Variants in ARHGAP12 observed in about 807,000 individuals in gnomAD.
The protein encoded by ARHGAP12 is Rho GTPase activating protein 12.
ARHGAP12 carries 64 observed loss-of-function variants against 108.6 expected under a neutral mutation model. The observed-to-expected ratio is 0.59, with a 90% confidence interval of 0.48 to 0.73. ARHGAP12 has a LOEUF of 0.73. ARHGAP12 is among the 30% of genes least tolerant of loss of function. The pLI is 0.00. For missense variants in ARHGAP12, 940 were observed against 1,005.9 expected (o/e 0.93, Z 0.89); for synonymous variants, 312 against 337.2 (o/e 0.93, Z 0.82).
At chr10:31,892,569 C>T (rs1215360362) in intron 3 of ARHGAP12, among the ~76,000 whole-genome samples, 2 of 152,160 alleles carry the variant, frequency 1.3e-5, no homozygotes, top group African/African-American at 4.8e-5. Flanking sequence ...TAAACATATA[C>T]GCATCCAATA....
intron 3 of ARHGAP12, among the ~76,000 whole-genome samples, chr10:31,895,171 T>C (rs1353967191): frequency 6.6e-6 from 1 of 152,180 alleles, no homozygotes; most frequent in African/African-American, 2.4e-5. Context: ...GGCAATACCA[T>C]TCAGGACATA....
chr10:31,830,724 C>T (rs1000645092), intron 10 of ARHGAP12, among the ~76,000 whole-genome samples: 2 of 151,942 alleles, frequency 1.3e-5, no homozygotes, highest in Non-Finnish European at 2.9e-5. Flanking sequence ...TACACATTAA[C>T]CAAAAAATCC....
chr10:31,877,866 C>T (rs1837789987), intron 3 of ARHGAP12, among the ~76,000 whole-genome samples: 1 of 152,094 alleles, frequency 6.6e-6, no homozygotes, highest in Non-Finnish European at 1.5e-5. Context: ...TCAAGGCGGG[C>T]ACATAGCTTG....
chr10:31,854,228 A>C (rs1400409565), intron 4 of ARHGAP12, 22 bp from the exon 5 acceptor site: 25 of 1,577,010 alleles, frequency 1.6e-5, no homozygotes, highest in Non-Finnish European at 2.1e-5. Flanking sequence ...CAGAAACATA[A>C]GGATTTTTCT....
intron 10 of ARHGAP12, among the ~76,000 whole-genome samples, chr10:31,829,189 A>T (rs1049761883): frequency 2.6e-5 from 4 of 152,078 alleles, no homozygotes; most frequent in Non-Finnish European, 5.9e-5. Context: ...AAAACTTTCA[A>T]CATGAATGAA....
At chr10:31,875,905 A>C (rs1837710382) in intron 3 of ARHGAP12, among the ~76,000 whole-genome samples, 1 of 152,108 alleles carries the variant, frequency 6.6e-6, no homozygotes. Flanking sequence ...GAATTCAAGC[A>C]CCTCATATAA....
In ARHGAP12 at chr10:31,840,888, A is replaced by G. The variant is rs555529795; in HGVS notation, c.1297-1177T>C. ...AATATTAAAATCACATTGAATAAAA[A>G]ACTTCAAAAAAATTTAACTTAAGAT... On this transcript the variant is annotated intron_variant, in intron 7 of 19. Transcript: ENST00000344936. Among the ~76,000 whole-genome samples the G allele has an allele frequency of 4.8e-4, 73 of 152,290 alleles. 1 individual carries two copies. Among genetic ancestry groups the G allele is most frequent in the Middle Eastern group, 3.4e-3 (1 of 294 alleles).
At chr10:31,852,943 G>A (rs902137336) in intron 5 of ARHGAP12, among the ~76,000 whole-genome samples, 1 of 151,928 alleles carries the variant, frequency 6.6e-6, no homozygotes, top group Non-Finnish European at 1.5e-5. Context: ...GGTCAGGCTG[G>A]TATCGAAATC....
rs35308949 is a variant in ARHGAP12 at position 31,829,154 on chromosome 10, AAACAAC to A, written c.1448+2579_1448+2584del. On this transcript the variant is annotated intron_variant, in intron 10 of 19. Transcript: ENST00000344936. The stretch of plus-strand genomic sequence containing the variant: ...GCGAGAGAGCAAGACTCTGTCTCAA[AAACAAC>A]AACAACAACAACAACAACAAAACTT... Among the ~76,000 whole-genome samples, 983 of 151,428 alleles carry A rather than the reference AAACAAC, an allele frequency of 6.5e-3. 11 individuals carry two copies. The highest frequency in any genetic ancestry group is 6.7e-3 in the Non-Finnish European group (454 of 67,822).
At chr10:31,840,482 TC>T (rs1456923593) in intron 7 of ARHGAP12, among the ~76,000 whole-genome samples, 1 of 152,012 alleles carries the variant, frequency 6.6e-6, no homozygotes, top group Non-Finnish European at 1.5e-5. Context: ...GTAGCCCACC[TC>T]CACTTAAATT....
chr10:31,924,406 T>C (rs1420586174), intron 1 of ARHGAP12, among the ~76,000 whole-genome samples: 1 of 152,138 alleles, frequency 6.6e-6, no homozygotes, highest in Non-Finnish European at 1.5e-5. Flanking sequence ...AGCACTTAGA[T>C]ATAAAGCATG....
chr10:31,834,695 T>C (rs1377982124), intron 9 of ARHGAP12, among the ~76,000 whole-genome samples: 1 of 152,216 alleles, frequency 6.6e-6, no homozygotes, highest in Non-Finnish European at 1.5e-5. Context: ...AACCAGTGCC[T>C]AGTACTGTAT....
intron 15 of ARHGAP12, 146 bp from the exon 16 acceptor site, chr10:31,810,893 C>T: frequency 1.6e-6 from 1 of 615,510 alleles, no homozygotes; most frequent in Non-Finnish European, 2.8e-6. Context: ...ATGCATCTTG[C>T]CTACTTCTTT....
intron 1 of ARHGAP12, among the ~76,000 whole-genome samples, chr10:31,921,570 C>T (rs1320873710): frequency 6.6e-6 from 1 of 151,232 alleles, no homozygotes; most frequent in African/African-American, 2.4e-5. Flanking sequence ...TCGATACCAG[C>T]CTGACCAACA....
At position 31,807,704 on chromosome 10, in the gene ARHGAP12, A is replaced by G. The variant is rs1444321086; in HGVS notation, c.2495T>C (p.Ile832Thr). ...IAVHTVYQNQ[I>T]VELILLELSS... ...CAGTTCCAGAAGAATTAATTCTACA[A>G]TCTGATTCTGGTACACAGTATGAAC... The change falls in exon 20 of 20, where the codon ATT becomes ACT. Residue 832 changes from isoleucine (I) to threonine (T), a missense_variant. Ile to Thr is a moderately conservative substitution (Grantham distance 89). Transcript: ENST00000344936. The G allele has an allele frequency of 6.2e-7, 1 of 1,606,342 alleles. No homozygotes were observed.
chr10:31,897,929 C>T (rs1396251467), intron 3 of ARHGAP12, among the ~76,000 whole-genome samples: 1 of 152,038 alleles, frequency 6.6e-6, no homozygotes, highest in Non-Finnish European at 1.5e-5. Context: ...AGTTTGAGGC[C>T]AGCGTGGGCA....
intron 1 of ARHGAP12, among the ~76,000 whole-genome samples, chr10:31,920,845 T>C (rs1318599914): frequency 6.6e-6 from 1 of 152,132 alleles, no homozygotes; most frequent in Non-Finnish European, 1.5e-5. Context: ...CTCAATAAAC[T>C]GAAAAGAACT....
intron 1 of ARHGAP12, among the ~76,000 whole-genome samples, chr10:31,915,171 G>A (rs866623535): frequency 2.0e-5 from 3 of 152,176 alleles, no homozygotes; most frequent in African/African-American, 4.8e-5. Flanking sequence ...CAGATCACCT[G>A]AGGTCGGGGG....
intron 3 of ARHGAP12, among the ~76,000 whole-genome samples, chr10:31,907,363 C>CA (rs770975358): frequency 5.3e-5 from 8 of 151,494 alleles, no homozygotes; most frequent in Non-Finnish European, 1.2e-4. Context: ...TACAGTGGCA[C>CA]ACACCTGTAA....
Sources: allele counts gnomAD v4.1 joint callset (sites outside exome capture counted in the v4.1 genomes callset), GRCh38; gene constraint gnomAD v4.1.1; transcripts MANE v1.5; gene names NCBI Gene and HGNC (gene_info 2026-07-23, HGNC 2026-07-21).